LRP1B: variants seen among roughly 807,000 people sequenced by gnomAD.
LRP1B encodes the protein LDL receptor related protein 1B.
In LRP1B, 217 loss-of-function variants were observed where a neutral mutation model predicts 556.6. The observed-to-expected ratio is 0.39, with a 90% CI of 0.35 to 0.44. The LOEUF (loss-of-function observed/expected upper bound fraction) is 0.44. Among genes scored for constraint, LRP1B ranks in the 20% least tolerant of loss-of-function variants. The pLI is 1.00. For synonymous variants in LRP1B, 2,047 were observed against 1,865.8 expected, an observed-to-expected ratio of 1.10 and a Z score of -2.50; for missense variants, 5,053 against 5,620.8, an observed-to-expected ratio of 0.90 and a Z score of 3.23.
chr2:140,241,893 A>G (rs1680963557), intron 87 of LRP1B, among the ~76,000 whole-genome samples: 1 of 150,958 alleles, frequency 6.6e-6, no homozygotes, highest in Admixed American at 6.6e-5. Context: ...TTAATAGAGT[A>G]TTAGAAACTG....
chr2:141,254,154 T>C (rs951530547), intron 4 of LRP1B, among the ~76,000 whole-genome samples: 1 of 152,116 alleles, frequency 6.6e-6, no homozygotes, highest in Non-Finnish European at 1.5e-5. Flanking sequence ...ATAAAGAACA[T>C]TACATGATTA....
At chr2:141,866,606 T>C (rs1222765815) in intron 1 of LRP1B, among the ~76,000 whole-genome samples, 2 of 152,114 alleles carry the variant, frequency 1.3e-5, no homozygotes, top group Admixed American at 1.3e-4. Flanking sequence ...ATTTCACCAA[T>C]AAAAATCCCT....
rs188058857 is a variant in LRP1B at position 140,969,835 on chromosome 2, G to A, written c.2887+12325C>T. Among the ~76,000 whole-genome samples, 350 of 152,272 alleles carry A rather than the reference G, an allele frequency of 2.3e-3. 1 individual carries two copies. Among genetic ancestry groups the A allele is most frequent in the African/African-American group, 8.0e-3 (334 of 41,542 alleles). On this transcript the variant is annotated intron_variant, in intron 18 of 90. Coordinates refer to ENST00000389484, the MANE Select transcript of LRP1B (RefSeq NM_018557.3). Reference sequence around the variant, plus strand: ...CTGGGTTGAAAATTCTTTTAAGAATGTTGAATATTGGCCCCCACTCTCTTC... The same window carrying A: ...CTGGGTTGAAAATTCTTTTAAGAATATTGAATATTGGCCCCCACTCTCTTC...
At chr2:141,339,941 CCCA>C (rs1687996781) in intron 3 of LRP1B, among the ~76,000 whole-genome samples, 1 of 152,038 alleles carries the variant, frequency 6.6e-6, no homozygotes, top group Non-Finnish European at 1.5e-5. Flanking sequence ...TCCAAACCTC[CCCA>C]CCACTGGAGT....
chr2:141,435,753 C>T (rs755413686), intron 3 of LRP1B, among the ~76,000 whole-genome samples: 1 of 152,124 alleles, frequency 6.6e-6, no homozygotes, highest in Non-Finnish European at 1.5e-5. Context: ...GATCAGGCTC[C>T]CAATATTCTT....
chr2:140,634,981 T>C (rs1036873408), intron 41 of LRP1B, among the ~76,000 whole-genome samples: 3 of 152,062 alleles, frequency 2.0e-5, no homozygotes, highest in Admixed American at 6.5e-5. Context: ...ACAATATCAG[T>C]CCATCAATTG....
intron 35 of LRP1B, among the ~76,000 whole-genome samples, chr2:140,717,689 C>CT (rs1687261672): frequency 6.6e-6 from 1 of 152,054 alleles, no homozygotes; most frequent in African/African-American, 2.4e-5. Context: ...GTGTTGCGAC[C>CT]TACATGGCCA....
chr2:141,011,365 C>T (rs781374052), intron 14 of LRP1B, among the ~76,000 whole-genome samples: 17 of 151,984 alleles, frequency 1.1e-4, no homozygotes, highest in East Asian at 1.9e-4. Context: ...AACTGAACAT[C>T]GGAATGCATT....
chr2:141,679,562 T>C (rs1691029654), intron 2 of LRP1B, among the ~76,000 whole-genome samples: 1 of 152,118 alleles, frequency 6.6e-6, no homozygotes, highest in Non-Finnish European at 1.5e-5. Context: ...CTAGTAAAGG[T>C]GAAGATGCTG....
chr2:140,246,591 TAAAG>T (rs1681175836), intron 87 of LRP1B, among the ~76,000 whole-genome samples: 1 of 7,222 alleles, frequency 1.4e-4, no homozygotes, highest in South Asian at 0.014. Context: ...ACTTTAAAGA[TAAAG>T]AAGCAATAAA....
At chr2:140,855,645 C>T (rs1692595340) in intron 27 of LRP1B, among the ~76,000 whole-genome samples, 1 of 151,712 alleles carries the variant, frequency 6.6e-6, no homozygotes, top group Admixed American at 6.6e-5. Flanking sequence ...TATTCTGATC[C>T]ACTCTCTTGT....
chr2:141,140,432 A>C (rs774782084), intron 7 of LRP1B, among the ~76,000 whole-genome samples: 49 of 152,158 alleles, frequency 3.2e-4, no homozygotes, highest in Non-Finnish European at 5.4e-4. Context: ...TGTTATCCCA[A>C]AATTTGAATA....
chr2:141,356,587 T>A (rs1416434403), intron 3 of LRP1B, among the ~76,000 whole-genome samples: 1 of 151,840 alleles, frequency 6.6e-6, no homozygotes, highest in Non-Finnish European at 1.5e-5. Context: ...AGGTAACATG[T>A]ATGTTTTTAA....
At chr2:141,498,624 A>G (rs917158212) in intron 2 of LRP1B, among the ~76,000 whole-genome samples, 14 of 152,040 alleles carry the variant, frequency 9.2e-5, no homozygotes, top group Non-Finnish European at 2.1e-4. Context: ...TTAAAAAAGT[A>G]TCTAAATCAT....
chr2:141,893,838 C>T (rs1364860642), intron 1 of LRP1B, among the ~76,000 whole-genome samples: 1 of 152,144 alleles, frequency 6.6e-6, no homozygotes, highest in Non-Finnish European at 1.5e-5. Context: ...GACTTAGAAG[C>T]CCAGAGCCAA....
At chr2:141,913,547 G>T (rs1257202406) in intron 1 of LRP1B, among the ~76,000 whole-genome samples, 1 of 152,144 alleles carries the variant, frequency 6.6e-6, no homozygotes, top group East Asian at 1.9e-4. Flanking sequence ...TTTTGAAACT[G>T]GTCCCTGGAG....
rs2104874331 is a variant in LRP1B at position 140,234,797 on chromosome 2, G to A, written c.13648C>T (p.Leu4550=). ...TATTCTTCTCTCACCCCAGCAGTTA[G>A]TGGTCCTTTCAAATCAGAGTTTAGG... is the stretch of plus-strand genomic sequence containing the variant. ...IYLNSDLKGP[L]TAGPTNYSNP... is the part of the protein sequence containing the mutation. The change falls in exon 90 of 91, where the codon CTA becomes TTA. Residue 4550 remains leucine (L), a synonymous_variant. Transcript: ENST00000389484. The A allele has an allele frequency of 2.6e-6, 2 of 774,928 alleles. No homozygotes were observed. The highest frequency in any genetic ancestry group is 4.8e-6 in the Non-Finnish European group (2 of 414,396). 48.0% of individuals were successfully genotyped at this position (774,928 alleles called of 1,614,324 possible).
intron 1 of LRP1B, among the ~76,000 whole-genome samples, chr2:141,992,534 C>T (rs1048550449): frequency 2.0e-5 from 3 of 152,084 alleles, no homozygotes; most frequent in African/African-American, 7.2e-5. Context: ...TTTAGTGTCT[C>T]AACTTGTTAC....
At chr2:140,533,058 C>T (rs939794404) in intron 47 of LRP1B, among the ~76,000 whole-genome samples, 2 of 150,592 alleles carry the variant, frequency 1.3e-5, no homozygotes, top group African/African-American at 4.9e-5. Context: ...TAATGCATTG[C>T]ACTCAATAAA....
Sources: allele counts gnomAD v4.1 joint callset (sites outside exome capture counted in the v4.1 genomes callset), GRCh38; gene constraint gnomAD v4.1.1; transcripts MANE v1.5; gene names NCBI Gene and HGNC (gene_info 2026-07-23, HGNC 2026-07-21).